The following MAGI3 variants were observed in gnomAD, a reference collection of about 807,000 sequenced individuals.
MAGI3 encodes the protein membrane-associated guanylate kinase, WW and PDZ domain-containing protein 3.
Under a neutral mutation model 121.8 loss-of-function variants are expected in MAGI3, and 43 were observed. The observed-to-expected ratio is 0.35, with a 90% confidence interval of 0.28 to 0.46. The LOEUF is 0.46. Among genes scored for constraint, MAGI3 ranks in the 20% least tolerant of loss-of-function variants. The pLI is 1.00. For synonymous variants in MAGI3, 553 were observed against 639.3 expected (o/e 0.86, Z 2.04); for missense variants, 1,547 against 1,797.3 (o/e 0.86, Z 2.52).
At chr1:113,419,839 A>T (rs1340192791) in intron 1 of MAGI3, among the ~76,000 whole-genome samples, 1 of 152,090 alleles carries the variant, frequency 6.6e-6, no homozygotes, top group Non-Finnish European at 1.5e-5. Flanking sequence ...CTAGGGAAGA[A>T]TCCATTTTCT....
intron 9 of MAGI3, among the ~76,000 whole-genome samples, chr1:113,627,690 C>A (rs921623511): frequency 5.3e-5 from 8 of 150,776 alleles, no homozygotes; most frequent in Non-Finnish European, 1.0e-4. Context: ...CTTTATGTGT[C>A]TGGGTACTCC....
At chr1:113,638,643 G>C (rs945684879) in intron 9 of MAGI3, among the ~76,000 whole-genome samples, 1 of 152,186 alleles carries the variant, frequency 6.6e-6, no homozygotes, top group Admixed American at 6.5e-5. Flanking sequence ...TGCCCCTACT[G>C]GGGGGTGCCT....
intron 6 of MAGI3, among the ~76,000 whole-genome samples, chr1:113,605,800 G>A (rs139707737): frequency 0.01 from 1,553 of 151,976 alleles, 20 homozygotes; most frequent in Middle Eastern, 0.02. Context: ...GGGTTTCACC[G>A]TATTGGCGAG....
chr1:113,682,095 GTAT>G (rs1465805098), intron 20 of MAGI3: 15 of 1,199,310 alleles, frequency 1.3e-5, no homozygotes, highest in Non-Finnish European at 1.6e-5. Flanking sequence ...TTCTCTGACT[GTAT>G]TATCTTCCAC....
chr1:113,674,531 A>G (rs945878331), intron 19 of MAGI3, among the ~76,000 whole-genome samples: 1 of 151,204 alleles, frequency 6.6e-6, no homozygotes, highest in African/African-American at 2.4e-5. Context: ...AGAATTTTGG[A>G]TTTCCTTTCC....
At chr1:113,517,423 C>T (rs902235523) in intron 1 of MAGI3, among the ~76,000 whole-genome samples, 1 of 151,120 alleles carries the variant, frequency 6.6e-6, no homozygotes, top group Non-Finnish European at 1.5e-5. Flanking sequence ...TAGTTAATAC[C>T]ATAGAGAAAA....
At chr1:113,605,974 TTC>T (rs1649747300) in intron 6 of MAGI3, among the ~76,000 whole-genome samples, 1 of 122,830 alleles carries the variant, frequency 8.1e-6, no homozygotes, top group Admixed American at 7.3e-5. Flanking sequence ...TCAATTATTA[TTC>T]TTTTTTTGAG....
intron 3 of MAGI3, among the ~76,000 whole-genome samples, chr1:113,581,455 G>A (rs1009999264): frequency 1.3e-5 from 2 of 152,030 alleles, no homozygotes; most frequent in African/African-American, 4.8e-5. Context: ...TCTCTCTTTA[G>A]CAGCACCATG....
chr1:113,420,940 A>T (rs1652702572), intron 1 of MAGI3, among the ~76,000 whole-genome samples: 1 of 152,194 alleles, frequency 6.6e-6, no homozygotes, highest in Non-Finnish European at 1.5e-5. Context: ...GTACTTTCAG[A>T]CATCTCATAA....
chr1:113,641,187 G>A (rs1344640510), intron 9 of MAGI3, among the ~76,000 whole-genome samples: 2 of 143,106 alleles, frequency 1.4e-5, no homozygotes, highest in Admixed American at 1.5e-4. Context: ...TATATCAGGG[G>A]TGGAGGAGGA....
chr1:113,555,389 T>C (rs1378853602), intron 2 of MAGI3, among the ~76,000 whole-genome samples: 1 of 152,176 alleles, frequency 6.6e-6, no homozygotes, highest in Non-Finnish European at 1.5e-5. Flanking sequence ...AACATCCCCT[T>C]TTAGTAATTA....
chr1:113,617,014 C>T (rs537427309), intron 7 of MAGI3, among the ~76,000 whole-genome samples: 1 of 152,186 alleles, frequency 6.6e-6, no homozygotes, highest in South Asian at 2.1e-4. Flanking sequence ...CCTCAGCCCC[C>T]CAGTAGCTGA....
intron 5 of MAGI3, among the ~76,000 whole-genome samples, chr1:113,592,071 G>A (rs1648722107): frequency 6.6e-6 from 1 of 151,918 alleles, no homozygotes; most frequent in Admixed American, 6.6e-5. Context: ...AGCCAAAGTA[G>A]ACAAAAATGG....
intron 1 of MAGI3, among the ~76,000 whole-genome samples, chr1:113,457,677 G>GGATA (rs147870102): frequency 0.023 from 3,468 of 151,086 alleles, 127 homozygotes; most frequent in African/African-American, 0.08. Flanking sequence ...ATTGCAGAGG[G>GGATA]GATAGATAGA....
intron 2 of MAGI3, among the ~76,000 whole-genome samples, chr1:113,551,753 A>G (rs766116540): frequency 2.0e-5 from 3 of 152,130 alleles, no homozygotes; most frequent in Non-Finnish European, 2.9e-5. Context: ...TATTTACCAT[A>G]TATAAGCCTT....
At position 113,422,550 on chromosome 1, in the gene MAGI3, G is replaced by T. The variant is rs756685643; in HGVS notation, c.316+31201G>T. Among the ~76,000 whole-genome samples, 1 of 152,236 alleles carries T rather than the reference G, an allele frequency of 6.6e-6. No homozygotes were observed. Among genetic ancestry groups the T allele is most frequent in the Non-Finnish European group, 1.5e-5 (1 of 68,042 alleles). ...GGGGTCTGGCCACTGCGCACAGACA[G>T]GCATGCCAGCTGCTGCGGGGCAGGG... On this transcript the variant is annotated intron_variant, in intron 1 of 20. Transcript: ENST00000307546. This position sits in a 1 kb window ranked among gnomAD's most constrained non-coding sequence, Gnocchi z 4.3.
intron 1 of MAGI3, among the ~76,000 whole-genome samples, chr1:113,424,597 T>G (rs1213547075): frequency 6.6e-6 from 1 of 152,246 alleles, no homozygotes; most frequent in East Asian, 1.9e-4. Context: ...ATAATCTCCT[T>G]GACATTCATC....
chr1:113,656,911 G>A (rs933245474), intron 15 of MAGI3, among the ~76,000 whole-genome samples: 1 of 152,152 alleles, frequency 6.6e-6, no homozygotes, highest in Non-Finnish European at 1.5e-5. Flanking sequence ...CTTAGAAAAG[G>A]CCTCTATTTA....
chr1:113,506,636 G>T (rs972442077), intron 1 of MAGI3, among the ~76,000 whole-genome samples: 2 of 152,140 alleles, frequency 1.3e-5, no homozygotes, highest in South Asian at 2.1e-4. Context: ...CAAAAACCAA[G>T]TTCAGTAGCT....
Sources: gnomAD v4.1 joint callset for allele counts (sites outside exome capture counted in the v4.1 genomes callset) on GRCh38, gnomAD v4.1.1 for gene constraint, Gnocchi (gnomAD v3.1) non-coding constraint, MANE v1.5 for transcripts, NCBI Gene and HGNC (gene_info 2026-07-23, HGNC 2026-07-21) for gene names.